Variants in CALD1 observed in about 807,000 individuals in gnomAD.
The protein encoded by CALD1 is caldesmon.
CALD1 carries 33 observed loss-of-function variants against 99.9 expected under a neutral mutation model. That is an observed-to-expected ratio of 0.33 (90% CI 0.25 to 0.44). The LOEUF (loss-of-function observed/expected upper bound fraction) is 0.44, where lower values mean the gene tolerates loss of function less well. Among genes scored for constraint, CALD1 ranks in the 20% least tolerant of loss-of-function variants. The pLI, the probability that CALD1 is intolerant of heterozygous loss-of-function variation, is 1.00. For synonymous variants in CALD1, 310 were observed against 325.0 expected (o/e 0.95, Z 0.50); for missense variants, 861 against 962.1 (o/e 0.89, Z 1.39).
At chr7:134,722,839 T>C in the CALD1 span, among the ~76,000 whole-genome samples, 1 of 152,166 alleles carries the variant, frequency 6.6e-6, no homozygotes, top group African/African-American at 2.4e-5. Flanking sequence ...CCTTTTCTAT[T>C]AGATATATAG....
chr7:134,864,142 A>C (rs1380208639), intron 2 of CALD1, among the ~76,000 whole-genome samples: 1 of 152,108 alleles, frequency 6.6e-6, no homozygotes, highest in Non-Finnish European at 1.5e-5. Context: ...TGAGGTCAGG[A>C]GTTAGAGACC....
chr7:134,936,526 T>C (rs1805989126), intron 6 of CALD1, among the ~76,000 whole-genome samples: 3 of 152,198 alleles, frequency 2.0e-5, no homozygotes, highest in Non-Finnish European at 2.9e-5. Context: ...ACTGAATTAT[T>C]TGAAGTAGGA....
At chr7:134,850,930 C>T (rs1025599502) in intron 2 of CALD1, among the ~76,000 whole-genome samples, 2 of 152,120 alleles carry the variant, frequency 1.3e-5, no homozygotes, top group Non-Finnish European at 2.9e-5. Flanking sequence ...GGATTTCCCC[C>T]ACACATGCTC....
At chr7:134,865,229 C>T (rs1800750809) in intron 2 of CALD1, among the ~76,000 whole-genome samples, 1 of 152,060 alleles carries the variant, frequency 6.6e-6, no homozygotes, top group Non-Finnish European at 1.5e-5. Flanking sequence ...AGGAAAGATG[C>T]TAGAGAAGGG....
chr7:134,764,818 G>A (rs1370381772), intron 1 of CALD1, among the ~76,000 whole-genome samples: 2 of 152,142 alleles, frequency 1.3e-5, no homozygotes, highest in Non-Finnish European at 2.9e-5. Flanking sequence ...AAGTCACTGA[G>A]GCAGGAGGTG....
chr7:134,872,422 A>C (rs959338778), intron 3 of CALD1, among the ~76,000 whole-genome samples: 1 of 149,130 alleles, frequency 6.7e-6, no homozygotes, highest in African/African-American at 2.5e-5. Flanking sequence ...TGCAACTTTT[A>C]TGCCATTACC....
At chr7:134,760,265 C>T (rs1018619548) in intron 1 of CALD1, among the ~76,000 whole-genome samples, 2 of 152,298 alleles carry the variant, frequency 1.3e-5, no homozygotes, top group African/African-American at 2.4e-5. Context: ...AGCATAACCC[C>T]GCTTGCACAG....
At chr7:134,939,664 G>T (rs183828780) in intron 6 of CALD1, among the ~76,000 whole-genome samples, 1 of 152,132 alleles carries the variant, frequency 6.6e-6, no homozygotes, top group African/African-American at 2.4e-5. Context: ...GCTCTGCTTT[G>T]TAAAACATGC....
intron 3 of CALD1, among the ~76,000 whole-genome samples, chr7:134,873,860 A>G (rs1317988178): frequency 1.3e-5 from 2 of 152,262 alleles, no homozygotes; most frequent in African/African-American, 2.4e-5. Flanking sequence ...ACACAGTGTT[A>G]TTCATCTAAT....
intron 1 of CALD1, among the ~76,000 whole-genome samples, chr7:134,820,493 T>C (rs1798732392): frequency 6.6e-6 from 1 of 152,180 alleles, no homozygotes; most frequent in Admixed American, 6.5e-5. Flanking sequence ...GGTGATCTTA[T>C]CCAGACAGCA....
At chr7:134,721,372 G>T in the CALD1 span, among the ~76,000 whole-genome samples, 2 of 150,840 alleles carry the variant, frequency 1.3e-5, no homozygotes, top group African/African-American at 4.9e-5. Flanking sequence ...TGACCCTGGA[G>T]TCCTGCCAGC....
Position 134,933,994 on chromosome 7 carries a change from G to T in CALD1, c.1225G>T (p.Val409Leu). 1 of 1,614,102 alleles carries T rather than the reference G, an allele frequency of 6.2e-7. No homozygotes were observed. The highest frequency in any genetic ancestry group is 8.5e-7 in the Non-Finnish European group (1 of 1,180,004). Residue 409 changes from valine (V) to leucine (L), a missense_variant, in exon 5 of 15, where the codon GTA (valine) becomes TTA (leucine). Val to Leu is a conservative substitution (Grantham distance 32, BLOSUM62 1). This residue lies in a region of CALD1 where 293 missense variants were observed against 262.7 expected (regional missense o/e 1.12). Transcript: ENST00000361675. Reference protein sequence around the residue: ...MQETKIKGEKVEQKIEGKWVN... With the variant: ...MQETKIKGEKLEQKIEGKWVN... ...AGAGACAAAGATAAAAGGGGAAAAGGTAGAACAGAAAATAGAAGGGAAATG... is the reference window on the plus strand; with the variant it reads ...AGAGACAAAGATAAAAGGGGAAAAGTTAGAACAGAAAATAGAAGGGAAATG...
upstream of CALD1, among the ~76,000 whole-genome samples, chr7:134,740,306 A>G (rs1026853973): frequency 2.0e-5 from 3 of 152,232 alleles, no homozygotes; most frequent in Admixed American, 1.3e-4. Context: ...GGATTAAAAA[A>G]AAAGACATAA....
chr7:134,837,675 A>G (rs1799499452), intron 1 of CALD1, among the ~76,000 whole-genome samples: 2 of 152,282 alleles, frequency 1.3e-5, no homozygotes, highest in South Asian at 4.1e-4. Flanking sequence ...AGCATATGAT[A>G]TATGCCAGAG....
At position 134,907,819 on chromosome 7, in the gene CALD1, C is replaced by T. The variant is rs201761495; in HGVS notation, c.72-20935C>T. 9.2e-5 allele frequency among the ~76,000 whole-genome samples: 14 copies of T among 152,162 alleles called. No homozygotes were observed. The East Asian group carries it at 2.1e-3, about 23-fold the overall frequency. On this transcript the variant is annotated intron_variant, in intron 3 of 14. Transcript: ENST00000361675. Reference sequence around the variant, plus strand: ...GGAGCCACTCGTGGGCCCTCAGACACGAGCAATCCTTCTGGCCGCTGCCAG... The same window carrying T: ...GGAGCCACTCGTGGGCCCTCAGACATGAGCAATCCTTCTGGCCGCTGCCAG...
At chr7:134,804,735 C>G (rs1370512330) in intron 1 of CALD1, among the ~76,000 whole-genome samples, 1 of 152,186 alleles carries the variant, frequency 6.6e-6, no homozygotes, top group East Asian at 1.9e-4. Context: ...AATTTATTGG[C>G]TGGGCATAGA....
chr7:134,848,825 T>C (rs779314163), intron 2 of CALD1, among the ~76,000 whole-genome samples: 1 of 152,226 alleles, frequency 6.6e-6, no homozygotes, highest in Non-Finnish European at 1.5e-5. Context: ...TAATGGTTTA[T>C]AAATTTTAAA....
chr7:134,960,225 G>T (rs891059513), intron 12 of CALD1, 114 bp downstream of exon 12: 3 of 1,276,636 alleles, frequency 2.3e-6, no homozygotes, highest in Non-Finnish European at 3.3e-6. Flanking sequence ...GGTGCAATTT[G>T]TACTTTGTTT....
chr7:134,901,446 G>A (rs140823746), intron 3 of CALD1, among the ~76,000 whole-genome samples: 9 of 152,212 alleles, frequency 5.9e-5, no homozygotes, highest in Non-Finnish European at 1.2e-4. Context: ...GAACGTAGGT[G>A]TTTCACAATA....
Sources: allele counts gnomAD v4.1 joint callset (sites outside exome capture counted in the v4.1 genomes callset), GRCh38; gene constraint gnomAD v4.1.1; regional missense constraint gnomAD v4.1.1; transcripts MANE v1.5; gene names NCBI Gene and HGNC (gene_info 2026-07-23, HGNC 2026-07-21).